The following SLC71A2 variants were observed in gnomAD, a reference collection of about 807,000 sequenced individuals.
SLC71A2 encodes hippocampus abundant transcript-like 1.
the SLC71A2 span, chr9:94,445,150 C>A: frequency 6.2e-7 from 1 of 1,613,632 alleles, no homozygotes; most frequent in Non-Finnish European, 8.5e-7. Flanking sequence ...CTGGGGAGCT[C>A]AGATTTCTTG....
chr9:94,459,224 G>T, the SLC71A2 span: 5 of 1,613,892 alleles, frequency 3.1e-6, no homozygotes, highest in Middle Eastern at 1.6e-4. Flanking sequence ...GTCTTTTCTG[G>T]TTGCCTTATT....
At chr9:94,456,319 G>A in the SLC71A2 span, 1 of 1,613,988 alleles carries the variant, frequency 6.2e-7, no homozygotes, top group Non-Finnish European at 8.5e-7. Flanking sequence ...CTCTCGGAAT[G>A]CAGAGTCAGA....
chr9:94,411,652 G>T, the SLC71A2 span, among the ~76,000 whole-genome samples: 2 of 151,004 alleles, frequency 1.3e-5, no homozygotes, highest in Admixed American at 1.3e-4. Flanking sequence ...GTGCAATGGC[G>T]TGATCTTGGC....
the SLC71A2 span, among the ~76,000 whole-genome samples, chr9:94,383,486 A>G: frequency 6.6e-6 from 1 of 151,966 alleles, no homozygotes; most frequent in African/African-American, 2.4e-5. Context: ...GTCAAAAATC[A>G]ATTGTCCATA....
At chr9:94,419,518 G>A in the SLC71A2 span, among the ~76,000 whole-genome samples, 3 of 152,052 alleles carry the variant, frequency 2.0e-5, no homozygotes, top group African/African-American at 7.2e-5. Context: ...TGTTAGCCAG[G>A]ATGGTCTCGA....
At chr9:94,456,962 T>TC in the SLC71A2 span, among the ~76,000 whole-genome samples, 1 of 50,232 alleles carries the variant, frequency 2.0e-5, no homozygotes, top group African/African-American at 7.8e-5. Flanking sequence ...CCACCCTTCC[T>TC]CCCCCCACCC....
At chr9:94,420,606 T>A in the SLC71A2 span, among the ~76,000 whole-genome samples, 37 of 151,978 alleles carry the variant, frequency 2.4e-4, no homozygotes, top group African/African-American at 7.7e-4. Flanking sequence ...TTTTTTTTTT[T>A]TTTTAAATTC....
the SLC71A2 span, among the ~76,000 whole-genome samples, chr9:94,437,980 G>A: frequency 6.6e-6 from 1 of 151,728 alleles, no homozygotes; most frequent in South Asian, 2.1e-4. Context: ...CCAGCCTAGA[G>A]TACAAAGGCG....
At chr9:94,459,422 A>G in the SLC71A2 span, 1 of 1,613,010 alleles carries the variant, frequency 6.2e-7, no homozygotes, top group Non-Finnish European at 8.5e-7. Flanking sequence ...AACTCGGCAG[A>G]AAGTGGGATT....
At chr9:94,378,689 C>G in the SLC71A2 span, among the ~76,000 whole-genome samples, 4 of 152,146 alleles carry the variant, frequency 2.6e-5, no homozygotes, top group African/African-American at 7.2e-5. Context: ...GGACACCAAA[C>G]AATTGAGAAG....
the SLC71A2 span, among the ~76,000 whole-genome samples, chr9:94,426,307 GAGA>G: frequency 3.3e-5 from 5 of 151,986 alleles, no homozygotes; most frequent in African/African-American, 1.2e-4. Flanking sequence ...CAGCAGCTTT[GAGA>G]GGAAGACACC....
At chr9:94,396,920 GC>G in the SLC71A2 span, among the ~76,000 whole-genome samples, 2 of 152,074 alleles carry the variant, frequency 1.3e-5, no homozygotes, top group East Asian at 3.9e-4. Flanking sequence ...ACAGGCATGC[GC>G]CGCCACACCC....
At chr9:94,399,885 A>G in the SLC71A2 span, among the ~76,000 whole-genome samples, 1 of 150,846 alleles carries the variant, frequency 6.6e-6, no homozygotes, top group Non-Finnish European at 1.5e-5. Context: ...GGCTCACTAC[A>G]ACCTCTGCCT....
At chr9:94,424,545 G>A in the SLC71A2 span, among the ~76,000 whole-genome samples, 1 of 151,804 alleles carries the variant, frequency 6.6e-6, no homozygotes, top group Admixed American at 6.6e-5. Flanking sequence ...ATAATATCTT[G>A]TATAAATTCC....
At chr9:94,417,426 G>A in the SLC71A2 span, among the ~76,000 whole-genome samples, 1 of 152,108 alleles carries the variant, frequency 6.6e-6, no homozygotes, top group African/African-American at 2.4e-5. Flanking sequence ...ATGGGAGTTC[G>A]AGACCACCCT....
chr9:94,407,097 T>G, the SLC71A2 span, among the ~76,000 whole-genome samples: 1 of 148,856 alleles, frequency 6.7e-6, no homozygotes, highest in Non-Finnish European at 1.5e-5. Flanking sequence ...TTTATTCTTT[T>G]CTTAGCTTTC....
chr9:94,377,776 C>T, the SLC71A2 span, among the ~76,000 whole-genome samples: 1 of 151,708 alleles, frequency 6.6e-6, no homozygotes, highest in African/African-American at 2.4e-5. Context: ...AAAAGAGAAT[C>T]AAGTATTTAC....
chr9:94,411,875 GCCACTTCC>G, the SLC71A2 span, among the ~76,000 whole-genome samples: 1 of 152,178 alleles, frequency 6.6e-6, no homozygotes, highest in Non-Finnish European at 1.5e-5. Context: ...ATAGGTGTGA[GCCACTTCC>G]CCTGGCCCAG....
At chr9:94,400,106 G>A in the SLC71A2 span, among the ~76,000 whole-genome samples, 15 of 151,900 alleles carry the variant, frequency 9.9e-5, no homozygotes, top group Non-Finnish European at 1.3e-4. Flanking sequence ...CACTGCGCCC[G>A]GCCAGAGAAA....
Sources: gnomAD v4.1 joint callset for allele counts (sites outside exome capture counted in the v4.1 genomes callset) on GRCh38, gnomAD v4.1.1 for gene constraint, MANE v1.5 for transcripts, NCBI Gene and HGNC (gene_info 2026-07-23, HGNC 2026-07-21) for gene names.